Variants in VPS8 observed in about 807,000 individuals in gnomAD.
VPS8 encodes vacuolar protein sorting-associated protein 8 homolog.
Under a neutral mutation model 216.4 loss-of-function variants are expected in VPS8, and 129 were observed. The observed-to-expected ratio is 0.60, with a 90% CI of 0.52 to 0.69. The LOEUF (loss-of-function observed/expected upper bound fraction) is 0.69, where lower values mean the gene tolerates loss of function less well. VPS8 is among the 30% of genes least tolerant of loss of function. The probability of loss-of-function intolerance (pLI) is 0.00; values close to 1 mark genes in which losing one functional copy is unlikely to be tolerated. For synonymous variants in VPS8, 571 were observed against 565.4 expected (o/e 1.01, Z -0.14); for missense variants, 1,531 against 1,683.5 (o/e 0.91, Z 1.59).
At chr3:184,966,242 C>T (rs1747390776) in intron 38 of VPS8, among the ~76,000 whole-genome samples, 3 of 152,076 alleles carry the variant, frequency 2.0e-5, no homozygotes, top group Non-Finnish European at 4.4e-5. Flanking sequence ...TAGAGGGAGA[C>T]GTCACTCATT....
intron 13 of VPS8, 101 bp from the exon 14 acceptor site, chr3:184,855,610 T>C (rs1725089239): frequency 8.2e-6 from 8 of 975,896 alleles, no homozygotes; most frequent in Non-Finnish European, 1.2e-5. Flanking sequence ...GGAAAGTTTT[T>C]ATCAAGGAAC....
At chr3:184,815,287 A>G (rs1054690958) in intron 1 of VPS8, among the ~76,000 whole-genome samples, 12 of 152,230 alleles carry the variant, frequency 7.9e-5, no homozygotes, top group Non-Finnish European at 1.6e-4. Context: ...TGTACTGCAC[A>G]TAATTGTATG....
intron 22 of VPS8, among the ~76,000 whole-genome samples, chr3:184,892,476 C>T (rs1324690373): frequency 2.0e-5 from 3 of 152,122 alleles, no homozygotes; most frequent in Non-Finnish European, 4.4e-5. Flanking sequence ...CTTGGCCTCC[C>T]GAAGAGCTGG....
intron 35 of VPS8, among the ~76,000 whole-genome samples, chr3:184,939,556 T>C (rs199653846): frequency 0.19 from 9,868 of 52,038 alleles, 432 homozygotes; most frequent in Non-Finnish European, 0.32. Context: ...GCTGTCCTCT[T>C]TTTTTTTTTT....
At position 184,972,077 on chromosome 3, in the gene VPS8, C is replaced by CA. The variant is rs56869818; in HGVS notation, c.3420+339dup. On this transcript the variant is annotated intron_variant, in intron 40 of 47. Coordinates refer to ENST00000625842, the MANE Select transcript of VPS8 (RefSeq NM_001009921.3). The stretch of plus-strand genomic sequence containing the variant: ...GGGCAACAAGAGTGAAACTCCATCT[C>CA]AAAAAAAAAAAAAAGCCTGTACTTG... 3.9e-3 allele frequency among the ~76,000 whole-genome samples: 543 copies of CA among 139,460 alleles called. 4 individuals are homozygous for CA. Among genetic ancestry groups the CA allele is most frequent in the African/African-American group, 0.014 (496 of 36,270 alleles). The allele number at this position is 139,460 out of a possible 152,430, so 91.5% of individuals were successfully genotyped here. A position where few individuals can be genotyped will look rare whatever the true frequency, so the allele number is the denominator to read the frequency against.
rs762145018 is a variant in VPS8, at chr3:184,852,594, CAAATG to C, written c.821+31_821+35del. ...TAAGAGACTAGTGGACATTTGTTGA[CAAATG>C]AAAAGACTAGCTCTGTTTTAATGAT... On this transcript the variant is annotated intron_variant, in intron 11 of 47. Coordinates refer to ENST00000625842, the MANE Select transcript of VPS8 (RefSeq NM_001009921.3). 1.1e-5 allele frequency: 17 copies of C among 1,601,800 alleles called. No homozygotes were observed. In the South Asian group the frequency reaches 1.8e-4, roughly 17 times the overall value.
chr3:184,904,770 A>C (rs1735187316), intron 25 of VPS8, among the ~76,000 whole-genome samples: 1 of 152,168 alleles, frequency 6.6e-6, no homozygotes, highest in South Asian at 2.1e-4. Context: ...GAGTTTGTGT[A>C]GGATTAGTGT....
chr3:184,925,058 G>A, intron 30 of VPS8, 77 bp downstream of exon 30: 2 of 1,506,528 alleles, frequency 1.3e-6, no homozygotes, highest in East Asian at 4.9e-5. Context: ...ACTGTTTCCT[G>A]ATGTGACAGA....
chr3:184,828,677 G>C (rs1446245416), intron 3 of VPS8, among the ~76,000 whole-genome samples: 2 of 152,138 alleles, frequency 1.3e-5, no homozygotes, highest in Non-Finnish European at 2.9e-5. Context: ...CAGTTTCTGA[G>C]AATAGTCCTA....
In VPS8 at chr3:184,905,730, A is replaced by G. The variant is rs553212723; in HGVS notation, c.2146+4758A>G. Among the ~76,000 whole-genome samples, 45 of 152,054 alleles carry G rather than the reference A, an allele frequency of 3.0e-4. 1 individual carries two copies. The highest frequency in any genetic ancestry group is 1.7e-3 in the Admixed American group (26 of 15,284). ...ATCTGTGAGAAAGACTAACACCTTA[A>G]TAGAAGAATAGACAACACTAAGGCA... is the stretch of plus-strand genomic sequence containing the variant. On this transcript the variant is annotated intron_variant, in intron 25 of 47. Transcript: ENST00000625842.
At chr3:185,041,677 T>C (rs943985628) in intron 46 of VPS8, among the ~76,000 whole-genome samples, 1 of 152,232 alleles carries the variant, frequency 6.6e-6, no homozygotes, top group African/African-American at 2.4e-5. Flanking sequence ...AAGAACTCAG[T>C]AGGCCGTTCT....
At chr3:185,042,521 C>T (rs575424794) in intron 46 of VPS8, among the ~76,000 whole-genome samples, 3 of 152,302 alleles carry the variant, frequency 2.0e-5, no homozygotes, top group East Asian at 3.9e-4. Context: ...TCAGTGTCCC[C>T]GTTTGTAATG....
At chr3:185,033,858 T>G (rs1251558913) in intron 46 of VPS8, among the ~76,000 whole-genome samples, 2 of 152,216 alleles carry the variant, frequency 1.3e-5, no homozygotes, top group African/African-American at 4.8e-5. Flanking sequence ...TTTCTTAAAT[T>G]CACAATTCCC....
At chr3:185,046,019 C>T (rs1712816662) in intron 46 of VPS8, among the ~76,000 whole-genome samples, 1 of 152,200 alleles carries the variant, frequency 6.6e-6, no homozygotes, top group African/African-American at 2.4e-5. Flanking sequence ...CTGTTTCTTC[C>T]TCTCGTATTC....
intron 21 of VPS8, among the ~76,000 whole-genome samples, chr3:184,882,705 G>A (rs1730488403): frequency 2.6e-5 from 4 of 152,084 alleles, no homozygotes; most frequent in African/African-American, 7.2e-5. Context: ...TTTATTTTTG[G>A]GGGATTTTAA....
In VPS8 at chr3:184,879,523, C is replaced by A. The variant is rs538085810; in HGVS notation, c.1735-6587C>A. Among the ~76,000 whole-genome samples, 3 of 152,216 alleles carry A rather than the reference C, an allele frequency of 2.0e-5. No homozygotes were observed. In the East Asian group the frequency reaches 5.8e-4, roughly 29 times the overall value. ...CATCCTGTAGAGAGGCATATGTAGACCAGGTCTGGCTGTATGAACTGAGGG... is the reference window on the plus strand; with the variant it reads ...CATCCTGTAGAGAGGCATATGTAGAACAGGTCTGGCTGTATGAACTGAGGG... On this transcript the variant is annotated intron_variant, in intron 21 of 47. Coordinates refer to ENST00000625842, the MANE Select transcript of VPS8 (RefSeq NM_001009921.3).
chr3:184,835,930 C>T (rs1243852643), intron 5 of VPS8, among the ~76,000 whole-genome samples: 1 of 151,984 alleles, frequency 6.6e-6, no homozygotes, highest in South Asian at 2.1e-4. Context: ...AGGATGGTCT[C>T]GATCTCCTGA....
chr3:184,998,215 G>A (rs1752882266), intron 44 of VPS8, among the ~76,000 whole-genome samples: 7 of 152,144 alleles, frequency 4.6e-5, no homozygotes, highest in Admixed American at 4.6e-4. Flanking sequence ...GACTGGGGCG[G>A]TGACATGATC....
At chr3:184,816,665 G>A (rs1176891190) in intron 1 of VPS8, among the ~76,000 whole-genome samples, 1 of 152,222 alleles carries the variant, frequency 6.6e-6, no homozygotes, top group East Asian at 1.9e-4. Context: ...TACCCCAAGA[G>A]GGAGTCATAT....
Sources: allele counts gnomAD v4.1 joint callset (sites outside exome capture counted in the v4.1 genomes callset), GRCh38; gene constraint gnomAD v4.1.1; transcripts MANE v1.5; gene names NCBI Gene and HGNC (gene_info 2026-07-23, HGNC 2026-07-21).